The following WWP2 variants were observed in gnomAD, a reference collection of about 807,000 sequenced individuals.
The protein encoded by WWP2 is NEDD4-like E3 ubiquitin-protein ligase WWP2.
A neutral mutation model predicts 121.0 loss-of-function variants in WWP2; 57 were observed. That is an observed-to-expected ratio of 0.47 (90% CI 0.38 to 0.59). The LOEUF (loss-of-function observed/expected upper bound fraction) is 0.59. Among genes scored for constraint, WWP2 ranks in the 20% least tolerant of loss-of-function variants. The pLI is 0.00. For missense variants in WWP2, 962 were observed against 1,158.9 expected (o/e 0.83, Z 2.47); for synonymous variants, 449 against 441.3 (o/e 1.02, Z -0.22).
intron 6 of WWP2, among the ~76,000 whole-genome samples, chr16:69,848,659 A>G (rs1323094449): frequency 6.6e-6 from 1 of 151,316 alleles, no homozygotes; most frequent in Non-Finnish European, 1.5e-5. Flanking sequence ...AAAAAAAAAA[A>G]AAGAAGCTAT....
chr16:69,903,459 G>A lies in WWP2; in HGVS notation c.915-5302G>A, dbSNP rs567002690. Among the ~76,000 whole-genome samples, 21 of 152,248 alleles carry A rather than the reference G, an allele frequency of 1.4e-4. No individual in the cohort carries two copies. The South Asian group carries it at 4.1e-3, about 30-fold the overall frequency. On this transcript the variant is annotated intron_variant, in intron 8 of 23. Coordinates refer to ENST00000359154, the MANE Select transcript of WWP2 (RefSeq NM_001270454.2). ...GGAGACTGCTGATAAGATGAAAGTTGAAAGAATTTTTGGAATAAAAGAAAA... is the reference window on the plus strand; with the variant it reads ...GGAGACTGCTGATAAGATGAAAGTTAAAAGAATTTTTGGAATAAAAGAAAA...
chr16:69,917,411 C>G (rs2058492897), intron 9 of WWP2, among the ~76,000 whole-genome samples: 1 of 152,222 alleles, frequency 6.6e-6, no homozygotes, highest in Admixed American at 6.5e-5. Context: ...TTGGCTGTGG[C>G]TGGCTCAACA....
At chr16:69,765,254 C>T (rs1342638929) in intron 1 of WWP2, among the ~76,000 whole-genome samples, 5 of 150,632 alleles carry the variant, frequency 3.3e-5, no homozygotes, top group African/African-American at 1.2e-4. Context: ...CTTTTTTTTT[C>T]CCACTTAACC....
At chr16:69,932,856 C>T (rs1013332976) in intron 16 of WWP2, among the ~76,000 whole-genome samples, 10 of 152,338 alleles carry the variant, frequency 6.6e-5, no homozygotes, top group South Asian at 6.2e-4. Context: ...AGAAGGGCCC[C>T]GGCAGAGAGA....
intron 11 of WWP2, 129 bp from the exon 12 acceptor site, chr16:69,929,319 T>G: frequency 1.3e-6 from 1 of 794,112 alleles, no homozygotes; most frequent in East Asian, 2.8e-5. Context: ...CTTTGGCTGG[T>G]TCTTCTCTAA....
At chr16:69,793,265 T>C (rs1227462288) in intron 2 of WWP2, among the ~76,000 whole-genome samples, 1 of 152,002 alleles carries the variant, frequency 6.6e-6, no homozygotes, top group Admixed American at 6.6e-5. Context: ...AGGCAGAGAA[T>C]TGCTTGAACC....
chr16:69,887,597 G>C (rs573364717), intron 7 of WWP2, among the ~76,000 whole-genome samples: 1 of 152,192 alleles, frequency 6.6e-6, no homozygotes, highest in East Asian at 1.9e-4. Flanking sequence ...GCAGAGACGG[G>C]GTTTTGCCAT....
At chr16:69,781,237 GA>G (rs773131958) in intron 1 of WWP2, among the ~76,000 whole-genome samples, 3 of 151,950 alleles carry the variant, frequency 2.0e-5, no homozygotes, top group Admixed American at 6.6e-5. Flanking sequence ...AGGGTGGGGG[GA>G]TACTGGGGAG....
chr16:69,773,385 G>A (rs1385426831), intron 1 of WWP2, among the ~76,000 whole-genome samples: 1 of 152,080 alleles, frequency 6.6e-6, no homozygotes, highest in Non-Finnish European at 1.5e-5. Flanking sequence ...CACTATGTTG[G>A]CCGGGCTGAT....
chr16:69,824,517 T>TC (rs2056650064), intron 4 of WWP2, among the ~76,000 whole-genome samples: 1 of 8,148 alleles, frequency 1.2e-4, no homozygotes, highest in African/African-American at 4.5e-4. Flanking sequence ...CCTTCCCCCC[T>TC]CCCCCTCCCT....
chr16:69,812,049 G>GCAAGATGCA (rs2056402023), intron 4 of WWP2, among the ~76,000 whole-genome samples: 3 of 152,002 alleles, frequency 2.0e-5, no homozygotes, highest in South Asian at 4.1e-4. Context: ...AGGACCTCAT[G>GCAAGATGCA]CAAGATGCAG....
intron 1 of WWP2, among the ~76,000 whole-genome samples, chr16:69,777,728 G>A (rs2055566336): frequency 6.6e-6 from 1 of 151,632 alleles, no homozygotes; most frequent in Non-Finnish European, 1.5e-5. Flanking sequence ...GATAAGTTCA[G>A]AGGAAATATG....
At chr16:69,806,844 C>T (rs2056285031) in intron 4 of WWP2, among the ~76,000 whole-genome samples, 1 of 151,926 alleles carries the variant, frequency 6.6e-6, no homozygotes, top group Non-Finnish European at 1.5e-5. Flanking sequence ...TTTCATAGAA[C>T]AACTTCTTGG....
At chr16:69,835,319 G>A (rs566477195) in intron 4 of WWP2, among the ~76,000 whole-genome samples, 1 of 152,252 alleles carries the variant, frequency 6.6e-6, no homozygotes, top group Non-Finnish European at 1.5e-5. Context: ...AGCCTCCCCT[G>A]TATGCTCGAA....
chr16:69,776,182 C>T (rs913924533), intron 1 of WWP2: 4 of 152,066 alleles, frequency 2.6e-5, no homozygotes, highest in Non-Finnish European at 5.9e-5. Flanking sequence ...TGTTTTTCTC[C>T]CCTTAGATGA....
At chr16:69,817,985 G>A (rs903855008) in intron 4 of WWP2, among the ~76,000 whole-genome samples, 13 of 151,828 alleles carry the variant, frequency 8.6e-5, no homozygotes, top group African/African-American at 2.4e-4. Context: ...GAAGGTGGGC[G>A]TGTTTCAAGT....
At chr16:69,893,004 A>T (rs1041134737) in intron 8 of WWP2, among the ~76,000 whole-genome samples, 1 of 152,228 alleles carries the variant, frequency 6.6e-6, no homozygotes, top group Non-Finnish European at 1.5e-5. Context: ...GATCCACTCC[A>T]CATCTCTGCC....
At chr16:69,829,957 A>ATTT (rs11462005) in intron 4 of WWP2, among the ~76,000 whole-genome samples, 7 of 144,886 alleles carry the variant, frequency 4.8e-5, no homozygotes, top group Non-Finnish European at 6.0e-5. Context: ...CGCCCAGCTA[A>ATTT]TTTTTTTTTT....
At chr16:69,904,454 C>T (rs1294796454) in intron 8 of WWP2, among the ~76,000 whole-genome samples, 1 of 151,748 alleles carries the variant, frequency 6.6e-6, no homozygotes, top group African/African-American at 2.4e-5. Flanking sequence ...CTGCAGCCTC[C>T]AACTCCTGGG....
Sources: gnomAD v4.1 joint callset for allele counts (sites outside exome capture counted in the v4.1 genomes callset) on GRCh38, gnomAD v4.1.1 for gene constraint, MANE v1.5 for transcripts, NCBI Gene and HGNC (gene_info 2026-07-23, HGNC 2026-07-21) for gene names.